Variants in PCSK5 observed in about 807,000 individuals in gnomAD.
PCSK5 encodes the protein prohormone convertase 5.
A neutral mutation model predicts 233.2 loss-of-function variants in PCSK5; 129 were observed. The observed-to-expected ratio is 0.55, with a 90% CI of 0.48 to 0.64. PCSK5 has a LOEUF of 0.64. Among genes scored for constraint, PCSK5 ranks in the 30% least tolerant of loss-of-function variants. The pLI is 0.00. For missense variants in PCSK5, 2,076 were observed against 2,430.1 expected (o/e 0.85, Z 3.06); for synonymous variants, 825 against 879.2 (o/e 0.94, Z 1.09).
At position 76,191,842 on chromosome 9, in the gene PCSK5, T is replaced by A. The variant is rs960743203; in HGVS notation, c.2626+2096T>A. On this transcript the variant is annotated intron_variant, in intron 20 of 37. Transcript: ENST00000674117. ...TTCTGAATATGACCAGAATTTTTGG[T>A]AGGTTAGTAACAGAAAATTGAGGAA... 2.0e-5 allele frequency among the ~76,000 whole-genome samples: 3 copies of A among 151,972 alleles called. No individual in the cohort carries two copies. The East Asian group carries it at 5.8e-4, about 29-fold the overall frequency.
At chr9:75,970,461 A>T (rs1425183717) in intron 2 of PCSK5, among the ~76,000 whole-genome samples, 1 of 152,152 alleles carries the variant, frequency 6.6e-6, no homozygotes, top group Non-Finnish European at 1.5e-5. Flanking sequence ...TTCTCTACTC[A>T]TCAGACAGTT....
At chr9:75,943,542 A>G (rs1824416375) in intron 2 of PCSK5, among the ~76,000 whole-genome samples, 3 of 152,314 alleles carry the variant, frequency 2.0e-5, no homozygotes, top group African/African-American at 7.2e-5. Flanking sequence ...AATGCTTGCA[A>G]ATCTTATTTG....
chr9:76,301,078 C>A (rs1383459855), intron 27 of PCSK5, among the ~76,000 whole-genome samples: 1 of 152,020 alleles, frequency 6.6e-6, no homozygotes, highest in Admixed American at 6.6e-5. Flanking sequence ...TCAAGACCAA[C>A]CTGGCCAACA....
At position 76,294,679 on chromosome 9, in the gene PCSK5, T is replaced by A. The variant is rs79364815; in HGVS notation, c.3186-596T>A. Among the ~76,000 whole-genome samples the A allele has an allele frequency of 3.1e-3, 473 of 152,150 alleles. 3 individuals carry two copies. The highest frequency in any genetic ancestry group is 0.011 in the African/African-American group (453 of 41,506). ...GAGATTTGTGGAGATTTAGATGAGC[T>A]AATACTTGACACATAATCAGTACTC... On this transcript the variant is annotated intron_variant, in intron 25 of 37. Coordinates refer to ENST00000674117, the MANE Select transcript of PCSK5 (RefSeq NM_001372043.1).
At chr9:75,973,855 C>A (rs1424096369) in intron 2 of PCSK5, among the ~76,000 whole-genome samples, 1 of 152,110 alleles carries the variant, frequency 6.6e-6, no homozygotes, top group East Asian at 1.9e-4. Context: ...CTTTTGGGGG[C>A]AGAGGGCCGA....
intron 2 of PCSK5, among the ~76,000 whole-genome samples, chr9:75,941,579 T>A (rs1824307120): frequency 6.6e-6 from 1 of 152,198 alleles, no homozygotes; most frequent in Non-Finnish European, 1.5e-5. Flanking sequence ...TCTGGCTACC[T>A]TTTTTGCCAT....
chr9:76,123,822 G>A (rs993863776), intron 9 of PCSK5, among the ~76,000 whole-genome samples: 4 of 152,160 alleles, frequency 2.6e-5, no homozygotes, highest in African/African-American at 7.2e-5. Context: ...CATGAAGGAC[G>A]ACAAGTCTAG....
intron 2 of PCSK5, among the ~76,000 whole-genome samples, chr9:75,970,863 G>A (rs749693959): frequency 2.9e-4 from 44 of 151,914 alleles, no homozygotes; most frequent in Non-Finnish European, 4.4e-4. Flanking sequence ...AGCTCATGCA[G>A]TCTGCCCACC....
At chr9:75,952,131 G>A (rs1824888954) in intron 2 of PCSK5, among the ~76,000 whole-genome samples, 1 of 152,022 alleles carries the variant, frequency 6.6e-6, no homozygotes, top group Non-Finnish European at 1.5e-5. Context: ...CTAATTTTTT[G>A]ATGCATTTCA....
chr9:76,103,941 G>C (rs977247514), intron 8 of PCSK5, among the ~76,000 whole-genome samples: 9 of 152,202 alleles, frequency 5.9e-5, no homozygotes, highest in African/African-American at 2.2e-4. Context: ...GGAATCTAAA[G>C]TGAAAGTGCT....
intron 2 of PCSK5, among the ~76,000 whole-genome samples, chr9:75,940,569 AC>A (rs1824255341): frequency 6.6e-6 from 1 of 152,174 alleles, no homozygotes; most frequent in African/African-American, 2.4e-5. Context: ...CAAGTTTCCT[AC>A]TCATTCAGGC....
rs1424288641 is a variant in PCSK5 at position 76,310,694 on chromosome 9, C to T, written c.3727C>T (p.Pro1243Ser). ...LLAQACVSSC[P>S]QGTWPSVRSG... ...GGCTCAGGCCTGTGTTTCCTCCTGTCCCCAAGGCACATGGCCTTCCGTAAG... is the reference window on the plus strand; with the variant it reads ...GGCTCAGGCCTGTGTTTCCTCCTGTTCCCAAGGCACATGGCCTTCCGTAAG... The change falls in exon 30 of 38, where the codon CCC becomes TCC. Residue 1243 changes from proline (P) to serine (S), a missense_variant. By Grantham distance (74) the Pro-to-Ser change is moderately conservative. This residue lies in a region of PCSK5 where 1,510 missense variants were observed against 1,538.1 expected (regional missense o/e 0.98). Transcript: ENST00000674117. The T allele has an allele frequency of 3.7e-6, 6 of 1,607,254 alleles. No homozygotes were observed. The highest frequency in any genetic ancestry group is 5.1e-6 in the Non-Finnish European group (6 of 1,177,988).
chr9:76,018,833 C>A (rs1828062572), intron 3 of PCSK5, among the ~76,000 whole-genome samples: 1 of 152,156 alleles, frequency 6.6e-6, no homozygotes. Context: ...CTTGAATGTA[C>A]TCATCAAAGT....
intron 5 of PCSK5, among the ~76,000 whole-genome samples, chr9:76,035,574 A>C (rs1828826133): frequency 6.6e-6 from 1 of 152,112 alleles, no homozygotes. Flanking sequence ...TATTGACATG[A>C]ATAATTGATA....
chr9:75,963,742 GGT>G (rs1205509648), intron 2 of PCSK5, among the ~76,000 whole-genome samples: 1 of 152,194 alleles, frequency 6.6e-6, no homozygotes, highest in East Asian at 1.9e-4. Context: ...AGCCGGGCAT[GGT>G]GGCACGCTCC....
At chr9:76,222,224 G>C (rs1825750225) in intron 20 of PCSK5, among the ~76,000 whole-genome samples, 1 of 152,146 alleles carries the variant, frequency 6.6e-6, no homozygotes, top group Non-Finnish European at 1.5e-5. Context: ...TGGATTGGTT[G>C]ATACCCTTTG....
At chr9:76,071,672 G>A in intron 6 of PCSK5, 54 bp from the exon 7 acceptor site, 1 of 1,435,046 alleles carries the variant, frequency 7.0e-7, no homozygotes, top group Non-Finnish European at 9.5e-7. Context: ...TCTGTTCTTT[G>A]AGTGTTGTGT....
intron 2 of PCSK5, among the ~76,000 whole-genome samples, chr9:75,982,830 G>T (rs1587456649): frequency 3.1e-5 from 4 of 127,916 alleles, no homozygotes; most frequent in South Asian, 2.6e-4. Flanking sequence ...TCATCTTTTT[G>T]GTTTGTATTA....
chr9:76,283,904 T>C (rs1254071745), intron 24 of PCSK5, among the ~76,000 whole-genome samples: 2 of 152,196 alleles, frequency 1.3e-5, no homozygotes, highest in Non-Finnish European at 2.9e-5. Flanking sequence ...AGTCCGTCTA[T>C]AAAGAAGGGC....
Sources: gnomAD v4.1 joint callset for allele counts (sites outside exome capture counted in the v4.1 genomes callset) on GRCh38, gnomAD v4.1.1 for gene constraint, gnomAD v4.1.1 regional missense constraint, MANE v1.5 for transcripts, NCBI Gene and HGNC (gene_info 2026-07-23, HGNC 2026-07-21) for gene names.